The following UBE2E2 variants were observed in gnomAD, a reference collection of about 807,000 sequenced individuals.
The protein encoded by UBE2E2 is ubiquitin-conjugating enzyme E2 E2.
A neutral mutation model predicts 24.7 loss-of-function variants in UBE2E2; 6 were observed. That is an observed-to-expected ratio of 0.24 (90% CI 0.13 to 0.48). The LOEUF is 0.48. UBE2E2 is among the 20% of genes least tolerant of loss of function. UBE2E2 has a pLI of 0.99. For synonymous variants in UBE2E2, 104 were observed against 83.6 expected, an observed-to-expected ratio of 1.24 and a Z score of -1.33; for missense variants, 169 against 245.0, an observed-to-expected ratio of 0.69 and a Z score of 2.07.
intron 3 of UBE2E2, among the ~76,000 whole-genome samples, chr3:23,372,225 A>G (rs2125341408): frequency 6.6e-6 from 1 of 152,348 alleles, no homozygotes; most frequent in South Asian, 2.1e-4. Context: ...AATGCAGGAA[A>G]AAGCACACTC....
At chr3:23,530,831 T>C (rs962220173) in intron 4 of UBE2E2, among the ~76,000 whole-genome samples, 1 of 152,156 alleles carries the variant, frequency 6.6e-6, no homozygotes, top group Non-Finnish European at 1.5e-5. Context: ...ACCTCCACTT[T>C]ATTAAGACTG....
intron 3 of UBE2E2, among the ~76,000 whole-genome samples, chr3:23,335,437 A>C (rs974011688): frequency 3.3e-5 from 5 of 152,180 alleles, no homozygotes; most frequent in South Asian, 4.1e-4. Context: ...AGTAAAATAA[A>C]CTATAGTATT....
At chr3:23,448,189 G>A (rs950388970) in intron 3 of UBE2E2, among the ~76,000 whole-genome samples, 3 of 152,082 alleles carry the variant, frequency 2.0e-5, no homozygotes, top group Non-Finnish European at 4.4e-5. Flanking sequence ...TGAGTCTGTC[G>A]AGGTTAGTGA....
At chr3:23,409,107 G>A (rs887091175) in intron 3 of UBE2E2, among the ~76,000 whole-genome samples, 4 of 152,084 alleles carry the variant, frequency 2.6e-5, no homozygotes, top group Non-Finnish European at 5.9e-5. Context: ...CTGACCATTG[G>A]CTTTACTTTC....
chr3:23,246,565 T>G (rs1025271903), intron 3 of UBE2E2, among the ~76,000 whole-genome samples: 2 of 151,748 alleles, frequency 1.3e-5, no homozygotes, highest in African/African-American at 2.4e-5. Context: ...AAATTTTTTG[T>G]AGAGATGGGG....
At chr3:23,445,800 A>C (rs1008468022) in intron 3 of UBE2E2, among the ~76,000 whole-genome samples, 9 of 152,150 alleles carry the variant, frequency 5.9e-5, no homozygotes, top group Non-Finnish European at 1.3e-4. Flanking sequence ...TTTAAGTCAC[A>C]GACTTATTTG....
intron 5 of UBE2E2, among the ~76,000 whole-genome samples, chr3:23,535,618 CTTTTTT>C (rs67901258): frequency 1.2e-5 from 1 of 86,020 alleles, no homozygotes; most frequent in Non-Finnish European, 2.1e-5. Context: ...ATAGAGCATT[CTTTTTT>C]TTTTTTTTTT....
In UBE2E2 at chr3:23,306,390, A is replaced by C. The variant is rs538856278; in HGVS notation, c.227+89078A>C. 5.8e-4 allele frequency among the ~76,000 whole-genome samples: 88 copies of C among 152,314 alleles called. No individual in the cohort carries two copies. In the South Asian group the frequency reaches 0.017, roughly 29 times the overall value. On this transcript the variant is annotated intron_variant, in intron 3 of 5. Coordinates refer to ENST00000396703, the MANE Select transcript of UBE2E2 (RefSeq NM_152653.4). ...TAACAGTAGTTTAGTTGTGGCTTGGATCTAAAGACAAATATTAGCCAATCC... is the reference window on the plus strand; with the variant it reads ...TAACAGTAGTTTAGTTGTGGCTTGGCTCTAAAGACAAATATTAGCCAATCC...
chr3:23,303,770 G>A lies in UBE2E2; in HGVS notation c.227+86458G>A, dbSNP rs575740018. ...CAAGTTACTACAAGAGGTAGAAATA[G>A]AACTAGGGAACAATTTGTTTCATCT... On this transcript the variant is annotated intron_variant, in intron 3 of 5. Transcript: ENST00000396703. Among the ~76,000 whole-genome samples the A allele has an allele frequency of 1.8e-4, 27 of 152,304 alleles. 2 individuals carry two copies. The highest frequency in any genetic ancestry group is 6.3e-4 in the African/African-American group (26 of 41,558).
rs1698473232 is a variant in UBE2E2 at position 23,280,639 on chromosome 3, T to TAA, written c.227+63327_227+63328insAA. 5.9e-5 allele frequency among the ~76,000 whole-genome samples: 9 copies of TAA among 152,330 alleles called. No homozygotes were observed. In the South Asian group the frequency reaches 1.9e-3, roughly 32 times the overall value. On this transcript the variant is annotated intron_variant, in intron 3 of 5. Transcript: ENST00000396703. The surrounding 1 kb of genome is among the most constrained non-coding windows in gnomAD (Gnocchi z 4.3). ...ACTCAGAAATGGTGCCTTCTTTTGG[T>TAA]GGCATTTGCCATAATTGTCCTAATA...
intron 3 of UBE2E2, among the ~76,000 whole-genome samples, chr3:23,473,732 A>G (rs1176118327): frequency 2.6e-5 from 4 of 152,088 alleles, no homozygotes; most frequent in Admixed American, 2.6e-4. Flanking sequence ...ATATGCCATT[A>G]ATTAATTCCT....
chr3:23,457,790 A>G (rs549008330), intron 3 of UBE2E2, among the ~76,000 whole-genome samples: 1 of 152,196 alleles, frequency 6.6e-6, no homozygotes, highest in Non-Finnish European at 1.5e-5. Context: ...TTTGTGTCTC[A>G]TGAGCTAAAC....
At chr3:23,368,304 A>G (rs1001420772) in intron 3 of UBE2E2, among the ~76,000 whole-genome samples, 1 of 152,256 alleles carries the variant, frequency 6.6e-6, no homozygotes, top group South Asian at 2.1e-4. Context: ...TAAAGCTTCT[A>G]CTCTATGCCA....
At chr3:23,315,216 T>A (rs1422567477) in intron 3 of UBE2E2, among the ~76,000 whole-genome samples, 1 of 152,068 alleles carries the variant, frequency 6.6e-6, no homozygotes, top group East Asian at 1.9e-4. Flanking sequence ...GCAGAGGAGT[T>A]TGTCCCCATT....
At chr3:23,304,817 A>G (rs1699196206) in intron 3 of UBE2E2, among the ~76,000 whole-genome samples, 1 of 152,046 alleles carries the variant, frequency 6.6e-6, no homozygotes, top group African/African-American at 2.4e-5. Context: ...CTGCCTTAAT[A>G]CCGGGTATGC....
At position 23,583,143 on chromosome 3, in the gene UBE2E2, A is replaced by G. The variant is rs901364787; in HGVS notation, c.509-6591A>G. 2.6e-5 allele frequency among the ~76,000 whole-genome samples: 4 copies of G among 152,174 alleles called. No individual in the cohort carries two copies. The highest frequency in any genetic ancestry group is 9.7e-5 in the African/African-American group (4 of 41,444). On this transcript the variant is annotated intron_variant, in intron 5 of 5. Transcript: ENST00000396703. This position sits in a 1 kb window ranked among gnomAD's most constrained non-coding sequence, Gnocchi z 4.1. The stretch of plus-strand genomic sequence containing the variant: ...AAGGGGTCCAATTTCAATCTTCTGC[A>G]TATGGCTAGCCAGTTAGCCCAGCAC...
chr3:23,538,144 A>G lies in UBE2E2; in HGVS notation c.508+5443A>G, dbSNP rs77180955. Among the ~76,000 whole-genome samples the G allele has an allele frequency of 2.0e-3, 308 of 152,296 alleles. 8 individuals carry two copies. In the East Asian group the frequency reaches 0.048, roughly 24 times the overall value. ...AATTTTTTTTCCTAGAACAATAACT[A>G]CAGTTGGCTACCTAGATACCAGATT... On this transcript the variant is annotated intron_variant, in intron 5 of 5. Coordinates refer to ENST00000396703, the MANE Select transcript of UBE2E2 (RefSeq NM_152653.4).
intron 4 of UBE2E2, among the ~76,000 whole-genome samples, chr3:23,521,523 T>G (rs993345812): frequency 6.6e-6 from 1 of 152,214 alleles, no homozygotes; most frequent in Non-Finnish European, 1.5e-5. Flanking sequence ...AATTGATAAA[T>G]AAGTGCTGTT....
chr3:23,511,822 A>T (rs1694600498), intron 4 of UBE2E2, among the ~76,000 whole-genome samples: 2 of 152,202 alleles, frequency 1.3e-5, no homozygotes, highest in Non-Finnish European at 1.5e-5. Flanking sequence ...TATTACAAGG[A>T]AAAAACCTCA....
Sources: allele counts gnomAD v4.1 joint callset (sites outside exome capture counted in the v4.1 genomes callset), GRCh38; gene constraint gnomAD v4.1.1; non-coding constraint Gnocchi (gnomAD v3.1); transcripts MANE v1.5; gene names NCBI Gene and HGNC (gene_info 2026-07-23, HGNC 2026-07-21).